TENM3: variants seen among roughly 807,000 people sequenced by gnomAD.
TENM3 encodes teneurin-3.
Under a neutral mutation model 255.1 loss-of-function variants are expected in TENM3, and 63 were observed. The observed-to-expected ratio is 0.25, with a 90% CI of 0.20 to 0.30. TENM3 has a LOEUF of 0.30. TENM3 is among the 10% of genes least tolerant of loss of function. The pLI is 1.00. For missense variants in TENM3, 2,929 were observed against 3,461.1 expected (o/e 0.85, Z 3.86); for synonymous variants, 1,306 against 1,322.3 (o/e 0.99, Z 0.27).
At chr4:182,195,485 A>C (rs1337139321) in intron 1 of TENM3, among the ~76,000 whole-genome samples, 1 of 152,006 alleles carries the variant, frequency 6.6e-6, no homozygotes, top group Non-Finnish European at 1.5e-5. Flanking sequence ...CAAAAAATAG[A>C]AAAAATTAGC....
chr4:181,472,319 GA>G, the TENM3 span, among the ~76,000 whole-genome samples: 53 of 151,846 alleles, frequency 3.5e-4, no homozygotes, highest in African/African-American at 1.2e-3. Context: ...TATTATGGCA[GA>G]AGGTGGAAGG....
chr4:182,367,380 C>T (rs1459427096), intron 3 of TENM3, among the ~76,000 whole-genome samples: 1 of 152,166 alleles, frequency 6.6e-6, no homozygotes, highest in East Asian at 1.9e-4. Flanking sequence ...AGGTCTAAGA[C>T]TGTCTCTGTG....
chr4:182,194,849 T>A (rs1460713334), intron 1 of TENM3, among the ~76,000 whole-genome samples: 2 of 152,230 alleles, frequency 1.3e-5, no homozygotes, highest in African/African-American at 2.4e-5. Context: ...AAATAAAGAT[T>A]GCAGCTCCTC....
chr4:181,532,609 T>C, the TENM3 span, among the ~76,000 whole-genome samples: 49 of 152,346 alleles, frequency 3.2e-4, 1 homozygote, highest in African/African-American at 1.1e-3. Context: ...GAGTATATCT[T>C]ATACTTGTAT....
At chr4:181,467,121 ATATATTTTTTTTTTTT>A in the TENM3 span, among the ~76,000 whole-genome samples, 235 of 20,388 alleles carry the variant, frequency 0.012, 13 homozygotes, top group Middle Eastern at 0.087. Context: ...ATATATATAT[ATATATTTTTTTTTTTT>A]TTTTTTTTTT....
At chr4:182,552,178 C>T (rs947581936) in intron 3 of TENM3, among the ~76,000 whole-genome samples, 20 of 152,126 alleles carry the variant, frequency 1.3e-4, no homozygotes, top group East Asian at 5.8e-4. Context: ...GGCATGGTGC[C>T]TCATTCTTGT....
chr4:181,688,779 G>C, the TENM3 span, among the ~76,000 whole-genome samples: 4 of 152,164 alleles, frequency 2.6e-5, no homozygotes, highest in African/African-American at 9.6e-5. Context: ...CGGGGTTTAA[G>C]TGCATGTCTC....
chr4:182,264,277 T>C lies in TENM3; in HGVS notation c.-76+20801T>C, dbSNP rs75996602. On this transcript the variant is annotated intron_variant, in intron 1 of 27. Transcript: ENST00000511685. ...GGCTTGGAACACCTGCAAGCCCGCTTTTCAAGACGGCCCAGCAAGCTGGTT... is the reference window on the plus strand; with the variant it reads ...GGCTTGGAACACCTGCAAGCCCGCTCTTCAAGACGGCCCAGCAAGCTGGTT... Among the ~76,000 whole-genome samples the C allele has an allele frequency of 2.3e-3, 347 of 152,350 alleles. 3 individuals are homozygous for C. In the East Asian group the frequency reaches 0.035, roughly 16 times the overall value.
chr4:182,780,001 A>G (rs1393694609), intron 24 of TENM3, among the ~76,000 whole-genome samples: 7 of 150,354 alleles, frequency 4.7e-5, no homozygotes, highest in East Asian at 2.0e-4. Context: ...CCCATTTTGT[A>G]GGTTGCCTGT....
At chr4:182,072,842 C>G in the TENM3 span, among the ~76,000 whole-genome samples, 2 of 152,078 alleles carry the variant, frequency 1.3e-5, no homozygotes, top group Non-Finnish European at 2.9e-5. Flanking sequence ...GAGTTGTGCT[C>G]CCCAAAATTT....
intron 12 of TENM3, among the ~76,000 whole-genome samples, chr4:182,703,992 G>A (rs1758086145): frequency 1.3e-5 from 2 of 151,958 alleles, no homozygotes; most frequent in Non-Finnish European, 2.9e-5. Flanking sequence ...ATCTTAAATA[G>A]CCAAATATTC....
At chr4:181,651,633 C>CG in the TENM3 span, among the ~76,000 whole-genome samples, 3 of 152,076 alleles carry the variant, frequency 2.0e-5, no homozygotes, top group Admixed American at 6.5e-5. Flanking sequence ...TTTTTGTAAC[C>CG]TATACTAGGC....
chr4:182,274,840 T>A (rs1030792386), intron 1 of TENM3, among the ~76,000 whole-genome samples: 2 of 152,122 alleles, frequency 1.3e-5, no homozygotes, highest in African/African-American at 4.8e-5. Context: ...TATTATTATT[T>A]TGAGATGGAG....
At chr4:181,781,180 AG>A in the TENM3 span, among the ~76,000 whole-genome samples, 4 of 152,150 alleles carry the variant, frequency 2.6e-5, no homozygotes, top group African/African-American at 9.7e-5. Flanking sequence ...TAGCTTAATG[AG>A]GATGGCATTG....
In TENM3 at chr4:182,434,310, A is replaced by T. The variant is rs532679965; in HGVS notation, c.511+87381A>T. ...AGAAGCAGGACCTGTTTTTGGAAAT[A>T]TGTAACTTGCTCTGCATGTAGAACT... is the stretch of plus-strand genomic sequence containing the variant. On this transcript the variant is annotated intron_variant, in intron 3 of 27. Transcript: ENST00000511685. 2.0e-5 allele frequency among the ~76,000 whole-genome samples: 3 copies of T among 152,260 alleles called. No individual in the cohort carries two copies. In the South Asian group the frequency reaches 6.2e-4, roughly 32 times the overall value.
the TENM3 span, among the ~76,000 whole-genome samples, chr4:181,745,249 A>G: frequency 6.6e-6 from 1 of 152,102 alleles, no homozygotes; most frequent in East Asian, 1.9e-4. Flanking sequence ...AGATTGGCTT[A>G]AATTAGCAAT....
chr4:182,634,484 A>G (rs1047181662), intron 5 of TENM3, among the ~76,000 whole-genome samples: 1 of 152,154 alleles, frequency 6.6e-6, no homozygotes, highest in African/African-American at 2.4e-5. Context: ...CATTGGAGTC[A>G]TCTTACCATT....
chr4:181,802,729 T>A, the TENM3 span, among the ~76,000 whole-genome samples: 1 of 152,220 alleles, frequency 6.6e-6, no homozygotes, highest in East Asian at 1.9e-4. Context: ...AGTCAAGTGC[T>A]TTAGCTCTCT....
intron 1 of TENM3, among the ~76,000 whole-genome samples, chr4:182,312,968 A>G (rs547084444): frequency 5.3e-5 from 8 of 152,314 alleles, no homozygotes; most frequent in African/African-American, 1.9e-4. Context: ...ACTAGTGTCT[A>G]TTAAATTTTC....
Sources: gnomAD v4.1 joint callset for allele counts (sites outside exome capture counted in the v4.1 genomes callset) on GRCh38, gnomAD v4.1.1 for gene constraint, MANE v1.5 for transcripts, NCBI Gene and HGNC (gene_info 2026-07-23, HGNC 2026-07-21) for gene names.